The following EPRS1 variants were observed in gnomAD, a reference collection of about 807,000 sequenced individuals.
EPRS1 encodes the protein glutamyl-prolyl-tRNA synthetase 1.
A neutral mutation model predicts 188.3 loss-of-function variants in EPRS1; 107 were observed. The ratio of observed to expected loss-of-function variants is 0.57; its 90% CI spans 0.49 to 0.67. The LOEUF (loss-of-function observed/expected upper bound fraction) is 0.67. EPRS1 is among the 30% of genes least tolerant of loss of function. The probability of loss-of-function intolerance (pLI) is 0.00; values close to 1 mark genes in which losing one functional copy is unlikely to be tolerated. For synonymous variants in EPRS1, 596 were observed against 593.1 expected (o/e 1.00, Z -0.07); for missense variants, 1,577 against 1,802.2 (o/e 0.88, Z 2.26).
In EPRS1 at chr1:220,033,475, CAG is replaced by C. The variant is rs1274210386; in HGVS notation, c.388+25_388+26del. ...CCAGCAAAATATTAAACGATTAAAA[CAG>C]AGGATTATTAAGAATTATTGATACC... On this transcript the variant is annotated intron_variant, in intron 4 of 31. Transcript: ENST00000366923. 5 of 1,531,752 alleles carry C rather than the reference CAG, an allele frequency of 3.3e-6. No homozygotes were observed. In the African/African-American group the frequency reaches 5.6e-5, roughly 17 times the overall value. 94.9% of individuals were successfully genotyped at this position (1,531,752 alleles called of 1,614,324 possible). A position where few individuals can be genotyped will look rare whatever the true frequency, so the allele number is the denominator to read the frequency against.
At chr1:219,973,134 G>T in intron 29 of EPRS1, 104 bp downstream of exon 29, 1 of 908,506 alleles carries the variant, frequency 1.1e-6, no homozygotes, top group Non-Finnish European at 1.7e-6. Context: ...CAGAGGGAGG[G>T]AACAATTGCT....
Position 220,033,631 on chromosome 1 carries a change from T to C in EPRS1, c.259A>G (p.Thr87Ala). ...AAGGAATCACATGAAGATAATTTTG[T>C]AGCACTGAACTCCAACCAGTGATCA... is the stretch of plus-strand genomic sequence containing the variant. ...EIDHWLEFSATKLSSCDSFTS... is the reference protein window; with the variant it reads ...EIDHWLEFSAAKLSSCDSFTS... The change falls in exon 4 of 32, where the codon ACA becomes GCA. Residue 87 changes from threonine to alanine, a missense_variant. Around this residue, in one of 3 missense-constraint regions of EPRS1, gnomAD observed 1,278 missense variants for 1,457.4 expected, o/e 0.88. Transcript: ENST00000366923. 6.2e-7 allele frequency: 1 copy of C among 1,608,846 alleles called. No individual in the cohort carries two copies. Among genetic ancestry groups the C allele is most frequent in the Non-Finnish European group, 8.5e-7 (1 of 1,175,616 alleles).
intron 10 of EPRS1, among the ~76,000 whole-genome samples, chr1:220,019,291 G>A (rs1661808984): frequency 1.3e-5 from 2 of 151,878 alleles, no homozygotes; most frequent in South Asian, 4.2e-4. Context: ...TAAAATAAAT[G>A]CACTACTGGA....
intron 17 of EPRS1, 79 bp from the exon 18 acceptor site, chr1:219,997,421 T>G (rs1367872371): frequency 1.5e-5 from 19 of 1,239,656 alleles, no homozygotes; most frequent in Non-Finnish European, 2.1e-5. Context: ...AAACTGATTG[T>G]TTTATAATGT....
intron 3 of EPRS1, among the ~76,000 whole-genome samples, chr1:220,034,369 T>C (rs1008235724): frequency 6.6e-6 from 1 of 152,194 alleles, no homozygotes; most frequent in African/African-American, 2.4e-5. Context: ...TAGGTTTTTG[T>C]AGGTACACTC....
chr1:219,984,397 C>G (rs966729232), intron 20 of EPRS1, 140 bp from the exon 21 acceptor site: 3 of 669,882 alleles, frequency 4.5e-6, no homozygotes, highest in Non-Finnish European at 8.0e-6. Flanking sequence ...CTTCTATATT[C>G]ATTCCCAAGA....
chr1:220,003,933 C>T (rs757242361), intron 16 of EPRS1, among the ~76,000 whole-genome samples: 5 of 152,150 alleles, frequency 3.3e-5, no homozygotes, highest in Non-Finnish European at 5.9e-5. Context: ...GGGATCAGGG[C>T]GAGAAAACTC....
At chr1:219,971,661 T>C (rs1173811935) in intron 30 of EPRS1, among the ~76,000 whole-genome samples, 6 of 151,618 alleles carry the variant, frequency 4.0e-5, no homozygotes, top group Non-Finnish European at 8.8e-5. Context: ...ACAGAATTAA[T>C]GTTCTTTAGA....
rs368094933 is a variant in EPRS1, at chr1:220,002,055, C to T, written c.2064-800G>A. ...AAAGAAAAAAAAAAAATTGGTCAGC[C>T]GTGGTGGCTCATGACTCTAATCCCA... On this transcript the variant is annotated intron_variant, in intron 16 of 31. Transcript: ENST00000366923. 5.9e-5 allele frequency among the ~76,000 whole-genome samples: 9 copies of T among 151,634 alleles called. No homozygotes were observed. The East Asian group carries it at 1.2e-3, about 20-fold the overall frequency.
chr1:220,046,359 T>C lies in EPRS1; in HGVS notation c.30A>G (p.Ser10=). MATLSLTVN[S]GDPPLGALLA... The stretch of plus-strand genomic sequence containing the variant: ...GCCCCTTACCTAGCGGAGGGTCTCC[T>C]GAATTCACGGTCAGAGAGAGCGTCG... The change falls in exon 1 of 32, where the codon TCA becomes TCG. Residue 10 remains serine, a synonymous_variant. Transcript: ENST00000366923. The C allele has an allele frequency of 1.9e-6, 3 of 1,614,090 alleles. No homozygotes were observed. The highest frequency in any genetic ancestry group is 1.7e-6 in the Non-Finnish European group (2 of 1,179,988).
At chr1:220,027,772 C>T (rs1460578870) in intron 6 of EPRS1, among the ~76,000 whole-genome samples, 1 of 151,862 alleles carries the variant, frequency 6.6e-6, no homozygotes, top group Non-Finnish European at 1.5e-5. Context: ...CACCTGAGGT[C>T]GCGAGTTCAA....
chr1:219,996,429 T>C (rs1473279230), intron 18 of EPRS1, among the ~76,000 whole-genome samples: 2 of 152,196 alleles, frequency 1.3e-5, no homozygotes, highest in African/African-American at 4.8e-5. Flanking sequence ...CCTGGGACAG[T>C]AGCATCTGCA....
At chr1:220,007,391 C>T (rs1438649515) in intron 13 of EPRS1, 53 bp from the exon 14 acceptor site, 19 of 1,557,226 alleles carry the variant, frequency 1.2e-5, no homozygotes, top group Non-Finnish European at 2.6e-6. Context: ...TTATTGAACC[C>T]AGTATGCAAA....
rs778428556 is a variant in EPRS1 at position 220,033,620 on chromosome 1, A to C, written c.270T>G (p.Ser90=). Residue 90 remains serine (S), a synonymous_variant, in exon 4 of 32, where the codon TCT becomes TCG. Transcript: ENST00000366923. ...TTGTAGAAGTAAAGGAATCACATGA[A>C]GATAATTTTGTAGCACTGAACTCCA... The part of the protein sequence containing the change: ...HWLEFSATKL[S]SCDSFTSTIN... The C allele has an allele frequency of 2.3e-5, 37 of 1,609,640 alleles. No homozygotes were observed. The highest frequency in any genetic ancestry group is 3.1e-5 in the Non-Finnish European group (37 of 1,176,360).
In EPRS1 at chr1:219,978,631, C is replaced by T. The variant is rs768431267; in HGVS notation, c.3998G>A (p.Arg1333Gln). ...AACGCGGATGTTAACACTGAGTAAT[C>T]GCCTTCGATAATCATTGCATTTTGC... ...LIAKCNDYRRRLLSVNIRVRA... is the reference protein window; with the variant it reads ...LIAKCNDYRRQLLSVNIRVRA... Residue 1333 changes from arginine to glutamine, a missense_variant, in exon 28 of 32, where the codon CGA (arginine) becomes CAA (glutamine). Physicochemically the swap from Arg to Gln is conservative, Grantham distance 43. This residue lies in a region of EPRS1 where 296 missense variants were observed against 327.9 expected (regional missense o/e 0.90). Transcript: ENST00000366923. The T allele has an allele frequency of 6.8e-5, 109 of 1,612,018 alleles. No individual in the cohort carries two copies. The highest frequency in any genetic ancestry group is 8.8e-5 in the Non-Finnish European group (104 of 1,178,858).
intron 16 of EPRS1, among the ~76,000 whole-genome samples, chr1:220,004,633 T>A (rs973816784): frequency 1.3e-5 from 2 of 152,182 alleles, no homozygotes; most frequent in African/African-American, 4.8e-5. Flanking sequence ...TTTGAACACG[T>A]TGAGTTTGAA....
Position 220,010,992 on chromosome 1 carries a change from A to G in EPRS1, c.1559T>C (p.Val520Ala). The G allele has an allele frequency of 1.2e-6, 2 of 1,613,770 alleles. No individual in the cohort carries two copies. Among genetic ancestry groups the G allele is most frequent in the Non-Finnish European group, 1.7e-6 (2 of 1,179,708 alleles). The change falls in exon 13 of 32, where the codon GTA becomes GCA. Residue 520 changes from valine to alanine, a missense_variant. Val to Ala is a moderately conservative substitution (Grantham distance 64, BLOSUM62 0). Transcript: ENST00000366923. ...LLKKEVIPVN[V>A]PEAQEEMKEV... ...TTTCATCTCCTCCTGAGCTTCAGGT[A>G]CATTCACTGGGATCACTTCTTTCTT...
intron 16 of EPRS1, among the ~76,000 whole-genome samples, chr1:220,002,350 A>G (rs1273235529): frequency 1.0e-4 from 15 of 147,262 alleles, no homozygotes; most frequent in Non-Finnish European, 3.0e-5. Flanking sequence ...AAAAAAAAAG[A>G]AAAAAAATTG....
rs200164911 is a variant in EPRS1, at chr1:219,997,137, C to A, written c.2387G>T (p.Gly796Val). 421 of 1,614,002 alleles carry A rather than the reference C, an allele frequency of 2.6e-4. 3 individuals carry two copies. Among genetic ancestry groups the A allele is most frequent in the Non-Finnish European group, 3.4e-4 (403 of 1,179,932 alleles). Residue 796 changes from glycine to valine, a missense_variant, in exon 18 of 32, where the codon GGC becomes GTC. Gly to Val is a moderately radical substitution (Grantham distance 109, BLOSUM62 -3). Coordinates refer to ENST00000366923, the MANE Select transcript of EPRS1 (RefSeq NM_004446.3). ...AGGGTTTCCAGGTTTATATTCCTGG[C>A]CAGTTTTCTCCTTATATTCAGCTTT... Reference protein sequence around the residue: ...SLKAEYKEKTGQEYKPGNPPA... With the variant: ...SLKAEYKEKTVQEYKPGNPPA...
Sources: gnomAD v4.1 joint callset for allele counts (sites outside exome capture counted in the v4.1 genomes callset) on GRCh38, gnomAD v4.1.1 for gene constraint, gnomAD v4.1.1 regional missense constraint, MANE v1.5 for transcripts, NCBI Gene and HGNC (gene_info 2026-07-23, HGNC 2026-07-21) for gene names.